Variants in GAD2 observed in about 807,000 individuals in gnomAD.
The protein encoded by GAD2 is glutamate decarboxylase 2.
GAD2 carries 22 observed loss-of-function variants against 80.1 expected under a neutral mutation model. That is an observed-to-expected ratio of 0.27 (90% CI 0.20 to 0.39). GAD2 has a LOEUF of 0.39. GAD2 is among the 10% of genes least tolerant of loss of function. The probability of loss-of-function intolerance (pLI) is 1.00; values close to 1 mark genes in which losing one functional copy is unlikely to be tolerated. For missense variants in GAD2, 624 were observed against 738.4 expected, an observed-to-expected ratio of 0.85 and a Z score of 1.80; for synonymous variants, 274 against 256.9, an observed-to-expected ratio of 1.07 and a Z score of -0.64.
At position 26,270,647 on chromosome 10, in the gene GAD2, T is replaced by C. The variant is rs766748892; in HGVS notation, c.983T>C (p.Val328Ala). 2 of 1,612,920 alleles carry C rather than the reference T, an allele frequency of 1.2e-6. No homozygotes were observed. Among genetic ancestry groups the C allele is most frequent in the Admixed American group, 3.3e-5 (2 of 60,012 alleles). Residue 328 changes from valine to alanine, a missense_variant, in exon 10 of 16, where the codon GTT becomes GCT. Val to Ala is a moderately conservative substitution (Grantham distance 64, BLOSUM62 0). Coordinates refer to ENST00000376261, the MANE Select transcript of GAD2 (RefSeq NM_001134366.2). ...RILEAKQKGF[V>A]PFLVSATAGT... is the part of the protein sequence containing the mutation. ...GCTTTCTCGTTCGCACAGGGGTTTGTTCCTTTCCTCGTGAGTGCCACAGCT... is the reference window on the plus strand; with the variant it reads ...GCTTTCTCGTTCGCACAGGGGTTTGCTCCTTTCCTCGTGAGTGCCACAGCT...
chr10:26,236,761 C>T (rs759593533), intron 7 of GAD2, among the ~76,000 whole-genome samples: 4 of 152,158 alleles, frequency 2.6e-5, no homozygotes, highest in Admixed American at 6.5e-5. Context: ...CCCCCTTAGT[C>T]GGAACTGACA....
At chr10:26,245,393 AT>A (rs1326966199) in intron 7 of GAD2, among the ~76,000 whole-genome samples, 3 of 151,732 alleles carry the variant, frequency 2.0e-5, no homozygotes, top group African/African-American at 4.9e-5. Context: ...TAAAAAAAAA[AT>A]AAATAAAAAC....
intron 7 of GAD2, among the ~76,000 whole-genome samples, chr10:26,240,820 AG>A (rs1485090195): frequency 6.6e-6 from 1 of 151,954 alleles, no homozygotes; most frequent in East Asian, 1.9e-4. Context: ...GCGGATCACG[AG>A]GTCAGGAGAT....
intron 7 of GAD2, among the ~76,000 whole-genome samples, chr10:26,231,019 G>A (rs1205147891): frequency 1.3e-5 from 2 of 152,128 alleles, no homozygotes; most frequent in Admixed American, 1.3e-4. Context: ...GAACCGAGGA[G>A]GCAAAGGTTG....
intron 8 of GAD2, among the ~76,000 whole-genome samples, chr10:26,257,911 A>G (rs1844962745): frequency 6.6e-6 from 1 of 152,188 alleles, no homozygotes; most frequent in Admixed American, 6.5e-5. Context: ...TGTTCAGCGC[A>G]TTGTAGTGGG....
At chr10:26,272,141 C>T (rs1461650785) in intron 10 of GAD2, among the ~76,000 whole-genome samples, 2 of 152,166 alleles carry the variant, frequency 1.3e-5, no homozygotes, top group African/African-American at 2.4e-5. Flanking sequence ...AGTATTCCTG[C>T]AGAGCAATCA....
At chr10:26,257,095 C>T (rs183361242) in intron 8 of GAD2, among the ~76,000 whole-genome samples, 39 of 152,134 alleles carry the variant, frequency 2.6e-4, no homozygotes, top group African/African-American at 7.5e-4. Context: ...TTAATATGCT[C>T]GGCTGGGTGC....
intron 3 of GAD2, 165 bp downstream of exon 3, chr10:26,218,156 C>A (rs1291835413): frequency 1.4e-6 from 1 of 718,762 alleles, no homozygotes; most frequent in Non-Finnish European, 2.2e-6. Flanking sequence ...GCGGGACCTG[C>A]CCGCTGGGTC....
At position 26,295,670 on chromosome 10, in the gene GAD2, G is replaced by T. The variant is rs1834266569; in HGVS notation, c.1584+2679G>T. On this transcript the variant is annotated intron_variant, in intron 15 of 15. Transcript: ENST00000376261. ...TAAAATTAAATTCAACCAAAAATTT[G>T]GTTCTTCAATCACACTAGCCACATT... is the stretch of plus-strand genomic sequence containing the variant. 2.0e-5 allele frequency among the ~76,000 whole-genome samples: 3 copies of T among 152,100 alleles called. No individual in the cohort carries two copies. In the South Asian group the frequency reaches 6.2e-4, roughly 32 times the overall value.
chr10:26,269,271 G>A (rs1845106513), intron 9 of GAD2, 98 bp downstream of exon 9: 3 of 937,908 alleles, frequency 3.2e-6, no homozygotes, highest in Middle Eastern at 2.2e-4. Context: ...GAGGATCCAA[G>A]CCTCAATCTC....
chr10:26,234,875 T>C (rs1276129411), intron 7 of GAD2, among the ~76,000 whole-genome samples: 1 of 151,716 alleles, frequency 6.6e-6, no homozygotes, highest in African/African-American at 2.4e-5. Flanking sequence ...CCCATGTTGA[T>C]TATTCTTTTT....
chr10:26,283,811 T>C (rs1295115462), intron 12 of GAD2, among the ~76,000 whole-genome samples: 1 of 152,052 alleles, frequency 6.6e-6, no homozygotes, highest in East Asian at 1.9e-4. Context: ...GACTCTCAAA[T>C]GGAAGAGATT....
At chr10:26,255,721 A>C (rs550763760) in intron 8 of GAD2, among the ~76,000 whole-genome samples, 11 of 152,032 alleles carry the variant, frequency 7.2e-5, no homozygotes, top group African/African-American at 2.7e-4. Context: ...AAGGAAGGAA[A>C]TAAAAAATCG....
At chr10:26,216,528 G>T, upstream of GAD2, 1 of 273,818 alleles carries the variant, frequency 3.7e-6, no homozygotes, top group Non-Finnish European at 6.7e-6. This position sits in a 1 kb window ranked among gnomAD's most constrained non-coding sequence, Gnocchi z 4.7. Flanking sequence ...TCCTGAGTCC[G>T]GGCTCCGAGG....
intron 8 of GAD2, among the ~76,000 whole-genome samples, chr10:26,265,355 C>A (rs1343698763): frequency 6.6e-6 from 1 of 152,066 alleles, no homozygotes. Context: ...TAGGTGTGCA[C>A]CACCATGCCC....
intron 11 of GAD2, among the ~76,000 whole-genome samples, chr10:26,275,232 T>C (rs1455020982): frequency 6.6e-6 from 1 of 152,246 alleles, no homozygotes; most frequent in Non-Finnish European, 1.5e-5. Flanking sequence ...AGGTGGCCTA[T>C]GTACAGTACT....
chr10:26,238,393 C>A (rs2132282252), intron 7 of GAD2, among the ~76,000 whole-genome samples: 1 of 152,344 alleles, frequency 6.6e-6, no homozygotes, highest in South Asian at 2.1e-4. Context: ...TCTTCATGAT[C>A]CACAATCATA....
chr10:26,273,684 C>G lies in GAD2; in HGVS notation c.1141C>G (p.Leu381Val). 6.2e-7 allele frequency: 1 copy of G among 1,613,678 alleles called. No individual in the cohort carries two copies. Among genetic ancestry groups the G allele is most frequent in the South Asian group, 1.1e-5 (1 of 90,994 alleles). Residue 381 changes from leucine (L) to valine (V), a missense_variant, in exon 11 of 16, where the codon CTG becomes GTG. Transcript: ENST00000376261. ...GATGTCCCGAAAACACAAGTGGAAA[C>G]TGAGTGGCGTGGAGAGGTATGTTGC... ...LLMSRKHKWK[L>V]SGVERANSVT...
intron 6 of GAD2, among the ~76,000 whole-genome samples, chr10:26,229,141 C>T (rs373860063): frequency 2.4e-4 from 36 of 150,920 alleles, no homozygotes; most frequent in East Asian, 1.6e-3. Context: ...TGGCAGTGAG[C>T]GGAGATCGTG....
Sources: gnomAD v4.1 joint callset for allele counts (sites outside exome capture counted in the v4.1 genomes callset) on GRCh38, gnomAD v4.1.1 for gene constraint, Gnocchi (gnomAD v3.1) non-coding constraint, MANE v1.5 for transcripts, NCBI Gene and HGNC (gene_info 2026-07-23, HGNC 2026-07-21) for gene names.